CD96: variants seen among roughly 807,000 people sequenced by gnomAD.
The protein encoded by CD96 is CD96 molecule, also known as T-cell surface protein tactile.
Under a neutral mutation model 71.3 loss-of-function variants are expected in CD96, and 70 were observed. That is an observed-to-expected ratio of 0.98 (90% CI 0.81 to 1.20). CD96 has a LOEUF of 1.20. Among genes scored for constraint, CD96 ranks in the 50% most tolerant of loss-of-function variants. CD96 has a pLI of 0.00. For missense variants in CD96, 742 were observed against 677.5 expected (o/e 1.10, Z -1.06); for synonymous variants, 248 against 233.0 (o/e 1.06, Z -0.59).
intron 8 of CD96, among the ~76,000 whole-genome samples, chr3:111,620,851 T>TAA (rs1938487775): frequency 6.6e-6 from 1 of 152,190 alleles, no homozygotes; most frequent in African/African-American, 2.4e-5. Flanking sequence ...CCCAACAAGG[T>TAA]CCCTAAATAA....
At chr3:111,571,028 C>A (rs764139685) in intron 3 of CD96, 15 of 1,358,484 alleles carry the variant, frequency 1.1e-5, no homozygotes, top group Non-Finnish European at 1.6e-5. Context: ...TTGGGGTCAG[C>A]GGCTTGTAGG....
intron 7 of CD96, among the ~76,000 whole-genome samples, chr3:111,604,109 C>CTT (rs1937560226): frequency 6.6e-6 from 1 of 151,958 alleles, no homozygotes; most frequent in African/African-American, 2.4e-5. Context: ...CCTAGCAAGC[C>CTT]CTGGGATTTG....
intron 1 of CD96, 69 bp downstream of exon 1, chr3:111,542,378 T>A (rs1934143626): frequency 9.3e-6 from 11 of 1,176,512 alleles, no homozygotes; most frequent in Non-Finnish European, 1.2e-5. Context: ...TCTGTTCATT[T>A]AAAATGCCTT....
At chr3:111,660,903 T>C (rs1940338277) in intron 14 of CD96, among the ~76,000 whole-genome samples, 1 of 152,226 alleles carries the variant, frequency 6.6e-6, no homozygotes, top group Non-Finnish European at 1.5e-5. Flanking sequence ...TACCTTAAAC[T>C]ATAAAATCCT....
intron 2 of CD96, 102 bp from the exon 3 acceptor site, chr3:111,567,421 C>G: frequency 1.1e-6 from 1 of 895,142 alleles, no homozygotes; most frequent in Non-Finnish European, 1.8e-6. Context: ...ACCCTGAGGA[C>G]AGATGAATCC....
intron 7 of CD96, among the ~76,000 whole-genome samples, chr3:111,604,732 A>G (rs1372933998): frequency 6.6e-6 from 1 of 152,240 alleles, no homozygotes; most frequent in Non-Finnish European, 1.5e-5. Context: ...TAACGCACCA[A>G]TATCTTCTGT....
At chr3:111,624,607 G>A (rs1164563507) in intron 10 of CD96, among the ~76,000 whole-genome samples, 7 of 152,220 alleles carry the variant, frequency 4.6e-5, no homozygotes, top group Non-Finnish European at 1.0e-4. Flanking sequence ...TGATTAAGGG[G>A]AGACAGACAA....
chr3:111,551,295 T>C (rs1211248222), intron 2 of CD96, among the ~76,000 whole-genome samples: 7 of 152,046 alleles, frequency 4.6e-5, no homozygotes, highest in Admixed American at 4.6e-4. Context: ...AAGATGACAG[T>C]GGGAAGAACT....
chr3:111,624,796 A>T (rs1290429886), intron 10 of CD96, among the ~76,000 whole-genome samples: 1 of 152,236 alleles, frequency 6.6e-6, no homozygotes, highest in Non-Finnish European at 1.5e-5. Flanking sequence ...GGAAAGAGCA[A>T]ACTAGCTAGA....
rs528325433 is a variant in CD96 at position 111,592,247 on chromosome 3, T to C, written c.808-5873T>C. Among the ~76,000 whole-genome samples the C allele has an allele frequency of 3.9e-5, 6 of 152,300 alleles. No homozygotes were observed. In the South Asian group the frequency reaches 6.2e-4, roughly 16 times the overall value. ...ATTTTATTCTATTTCTAAATTAATA[T>C]TTTAGGCATACTTTCAGCAGCCCAG... On this transcript the variant is annotated intron_variant, in intron 5 of 13. Transcript: ENST00000352690.
chr3:111,577,917 T>A (rs1936291207), intron 3 of CD96, among the ~76,000 whole-genome samples: 1 of 152,178 alleles, frequency 6.6e-6, no homozygotes, highest in Non-Finnish European at 1.5e-5. Flanking sequence ...CCATTTCCCC[T>A]GATGACTGTA....
chr3:111,598,085 A>C, intron 5 of CD96, 35 bp from the exon 6 acceptor site: 1 of 912,534 alleles, frequency 1.1e-6, no homozygotes, highest in Non-Finnish European at 1.8e-6. Flanking sequence ...TTTCTTAGGA[A>C]TTTGCAAATA....
intron 5 of CD96, among the ~76,000 whole-genome samples, chr3:111,587,381 C>A (rs759749480): frequency 2.6e-5 from 4 of 152,014 alleles, no homozygotes; most frequent in Non-Finnish European, 5.9e-5. Flanking sequence ...CACATCTCTG[C>A]TAGGTGGTGT....
chr3:111,634,852 G>A (rs76421535), intron 10 of CD96: 12,286 of 151,180 alleles, frequency 0.081, 767 homozygotes, highest in East Asian at 0.26. Flanking sequence ...GTGCGATTGC[G>A]CCATTGCACT....
rs1479649983 is a variant in CD96 at position 111,647,543 on chromosome 3, G to A, written c.1478G>A (p.Gly493Asp). Reference protein sequence around the residue: ...STKTNHVHITGIVVNKPKDGM... With the variant: ...STKTNHVHITDIVVNKPKDGM... ...TCATCTTTCTTTATGCCCTTTTCAG[G>A]TATTGTGGTCAATAAGCCCAAAGAT... The change falls in exon 13 of 14, where the codon GGT becomes GAT. Residue 493 changes from glycine (G) to aspartate (D), a missense_variant and splice_region_variant. Gly to Asp is a moderately conservative substitution (Grantham distance 94, BLOSUM62 -1). Transcript: ENST00000352690. 6.2e-7 allele frequency: 1 copy of A among 1,612,150 alleles called. No individual in the cohort carries two copies. The highest frequency in any genetic ancestry group is 8.5e-7 in the Non-Finnish European group (1 of 1,178,402).
intron 2 of CD96, among the ~76,000 whole-genome samples, chr3:111,561,210 G>A (rs1314971951): frequency 2.0e-5 from 3 of 146,554 alleles, no homozygotes; most frequent in Non-Finnish European, 3.0e-5. Flanking sequence ...CTCTCAGCTC[G>A]TCAAAGTCAT....
chr3:111,658,708 G>A (rs553027915), intron 14 of CD96, among the ~76,000 whole-genome samples: 26 of 152,162 alleles, frequency 1.7e-4, no homozygotes, highest in African/African-American at 6.0e-4. Context: ...TAATACTCTG[G>A]GAAGGATACA....
At chr3:111,639,605 C>A (rs953445524) in intron 12 of CD96, among the ~76,000 whole-genome samples, 2 of 152,314 alleles carry the variant, frequency 1.3e-5, no homozygotes, top group Non-Finnish European at 2.9e-5. Context: ...CCGCCCACCA[C>A]CAGTCCCTCT....
chr3:111,591,408 T>C (rs1220960141), intron 5 of CD96, among the ~76,000 whole-genome samples: 1 of 140,078 alleles, frequency 7.1e-6, no homozygotes, highest in Non-Finnish European at 1.6e-5. Flanking sequence ...CACCAGAACC[T>C]AAATACCACA....
Sources: allele counts gnomAD v4.1 joint callset (sites outside exome capture counted in the v4.1 genomes callset), GRCh38; gene constraint gnomAD v4.1.1; transcripts MANE v1.5; gene names NCBI Gene and HGNC (gene_info 2026-07-23, HGNC 2026-07-21).